GTF2F2: variants seen among roughly 807,000 people sequenced by gnomAD.
GTF2F2 encodes the protein ATP-dependent helicase GTF2F2.
A neutral mutation model predicts 42.2 loss-of-function variants in GTF2F2; 23 were observed. That is an observed-to-expected ratio of 0.55 (90% CI 0.39 to 0.77). The LOEUF is 0.77. GTF2F2 is among the 30% of genes least tolerant of loss of function. The pLI, the probability that GTF2F2 is intolerant of heterozygous loss-of-function variation, is 0.00. For missense variants in GTF2F2, 261 were observed against 287.2 expected, an observed-to-expected ratio of 0.91 and a Z score of 0.66; for synonymous variants, 105 against 100.8, an observed-to-expected ratio of 1.04 and a Z score of -0.25.
intron 4 of GTF2F2, among the ~76,000 whole-genome samples, chr13:45,176,812 A>G (rs907449553): frequency 7.0e-6 from 1 of 143,728 alleles, no homozygotes; most frequent in African/African-American, 2.6e-5. Context: ...TTTGGGGGGG[A>G]CGGTCTCGCT....
rs993985302 is a variant in GTF2F2, at chr13:45,284,462, C to T, written c.*901C>T. ...TCTTTAATTAATTTTTAAATGAAAA[C>T]AATACATGTATATGTTAGTTTTTTC... On this transcript the variant is annotated 3_prime_UTR_variant, in exon 8 of 8. Transcript: ENST00000340473. 1 of 151,952 alleles carries T rather than the reference C, an allele frequency of 6.6e-6. No homozygotes were observed. Among genetic ancestry groups the T allele is most frequent in the Non-Finnish European group, 1.5e-5 (1 of 68,010 alleles). The allele number at this position is 151,952 out of a possible 1,614,324, so 9.4% of individuals were successfully genotyped here.
chr13:45,283,390 T>C, intron 7 of GTF2F2, 52 bp from the exon 8 acceptor site: 1 of 1,537,286 alleles, frequency 6.5e-7, no homozygotes, highest in Middle Eastern at 1.8e-4. Context: ...ATTTTAAGTT[T>C]TGTCCCCTGC....
intron 5 of GTF2F2, among the ~76,000 whole-genome samples, chr13:45,246,710 C>T (rs1270776103): frequency 2.6e-5 from 4 of 152,128 alleles, no homozygotes; most frequent in South Asian, 2.1e-4. Context: ...TACTTGCCTT[C>T]CTAGATTTTA....
At chr13:45,204,660 G>T (rs1022952965) in intron 4 of GTF2F2, among the ~76,000 whole-genome samples, 2 of 152,164 alleles carry the variant, frequency 1.3e-5, no homozygotes, top group African/African-American at 2.4e-5. Flanking sequence ...TAAAAAGAGA[G>T]CAGGCAAATC....
intron 4 of GTF2F2, among the ~76,000 whole-genome samples, chr13:45,205,300 A>C (rs1218920324): frequency 6.6e-6 from 1 of 152,126 alleles, no homozygotes; most frequent in Non-Finnish European, 1.5e-5. Context: ...GCACAGGAAA[A>C]AGCTGCCAGT....
At chr13:45,181,258 C>T (rs1479251256) in intron 4 of GTF2F2, among the ~76,000 whole-genome samples, 1 of 151,220 alleles carries the variant, frequency 6.6e-6, no homozygotes, top group African/African-American at 2.4e-5. Flanking sequence ...CCTTCATATA[C>T]CTCCCTCTCT....
chr13:45,178,425 CTTTT>C (rs60059874), intron 4 of GTF2F2, among the ~76,000 whole-genome samples: 1 of 122,070 alleles, frequency 8.2e-6, no homozygotes. Flanking sequence ...CTGAGTTTGT[CTTTT>C]TTTTTTTTTT....
chr13:45,151,742 CA>C lies in GTF2F2; in HGVS notation c.216del (p.Ala73LeufsTer21). Reference protein sequence around the residue: ...LANIHDIGGKPASVSAPREHP... With the variant: ...LANIHDIGGKXASVSAPREHP... ...AATATTCATGATATTGGTGGAAAAC[CA>C]GCTTCAGTCAGTGCTCCTAGAGAAC... On this transcript the variant is annotated frameshift_variant, in exon 4 of 8. Transcript: ENST00000340473. LOFTEE classifies it high-confidence loss of function. 1.9e-6 allele frequency: 3 copies of C among 1,599,738 alleles called. No homozygotes were observed. The highest frequency in any genetic ancestry group is 2.6e-6 in the Non-Finnish European group (3 of 1,169,420).
chr13:45,254,986 G>C (rs1008130507), intron 6 of GTF2F2, among the ~76,000 whole-genome samples: 4 of 151,910 alleles, frequency 2.6e-5, no homozygotes, highest in Admixed American at 1.3e-4. Context: ...GGCCAACATG[G>C]TGAAACCCCA....
chr13:45,212,493 T>TTCTTTCTTTC lies in GTF2F2; in HGVS notation c.386+4990_386+4999dup, dbSNP rs1566137183. ...TTTCTTTCTTTCTTTCTTTCTTTCTTTCTTTCTTTCTTTCTTTTCTTTCTT... is the reference window on the plus strand; with the variant it reads ...TTTCTTTCTTTCTTTCTTTCTTTCTTTCTTTCTTTCTCTTTCTTTCTTTCTTTTCTTTCTT... On this transcript the variant is annotated intron_variant, in intron 5 of 7. Transcript: ENST00000340473. 2.9e-3 allele frequency among the ~76,000 whole-genome samples: 343 copies of TTCTTTCTTTC among 117,502 alleles called. 11 individuals are homozygous for TTCTTTCTTTC. Among genetic ancestry groups the TTCTTTCTTTC allele is most frequent in the African/African-American group, 9.8e-3 (321 of 32,890 alleles). 77.1% of individuals were successfully genotyped at this position (117,502 alleles called of 152,430 possible).
intron 7 of GTF2F2, among the ~76,000 whole-genome samples, chr13:45,282,496 T>C (rs1475104113): frequency 6.6e-6 from 1 of 152,182 alleles, no homozygotes; most frequent in East Asian, 1.9e-4. Context: ...TGTCTTCTTA[T>C]CACTTTATTT....
intron 4 of GTF2F2, among the ~76,000 whole-genome samples, chr13:45,204,541 T>G (rs1391180513): frequency 6.6e-6 from 1 of 152,240 alleles, no homozygotes; most frequent in African/African-American, 2.4e-5. Context: ...TTTAAATACT[T>G]TTAAAATAAA....
At chr13:45,183,442 A>G (rs1872259869) in intron 4 of GTF2F2, among the ~76,000 whole-genome samples, 1 of 151,998 alleles carries the variant, frequency 6.6e-6, no homozygotes, top group South Asian at 2.1e-4. Context: ...TGTCATATCT[A>G]CCTCTCAGGC....
At chr13:45,183,696 C>T (rs892765254) in intron 4 of GTF2F2, among the ~76,000 whole-genome samples, 2 of 152,092 alleles carry the variant, frequency 1.3e-5, no homozygotes, top group African/African-American at 4.8e-5. Flanking sequence ...TCTGCCCCAT[C>T]ACCTCATGAG....
At chr13:45,151,626 TTATATA>T (rs994328823) in intron 3 of GTF2F2, 55 bp from the exon 4 acceptor site, 2 of 1,057,816 alleles carry the variant, frequency 1.9e-6, no homozygotes, top group South Asian at 1.6e-5. Flanking sequence ...TAACAAAAAT[TTATATA>T]TATATAGTTT....
At chr13:45,214,968 T>G (rs1873828698) in intron 5 of GTF2F2, among the ~76,000 whole-genome samples, 2 of 150,334 alleles carry the variant, frequency 1.3e-5, no homozygotes, top group African/African-American at 2.5e-5. Flanking sequence ...TTCCAGTGTT[T>G]GTGGATTTTT....
chr13:45,246,812 C>T (rs558165329), intron 5 of GTF2F2, among the ~76,000 whole-genome samples: 41 of 151,932 alleles, frequency 2.7e-4, no homozygotes, highest in Middle Eastern at 3.4e-3. Context: ...CCAATGCGGG[C>T]GGATCACGAG....
At chr13:45,165,806 CTTTTT>C (rs5803286) in intron 4 of GTF2F2, among the ~76,000 whole-genome samples, 4,303 of 89,014 alleles carry the variant, frequency 0.048, 144 homozygotes, top group African/African-American at 0.19. Flanking sequence ...TCAGTACATT[CTTTTT>C]TTTTTTTTTT....
intron 7 of GTF2F2, among the ~76,000 whole-genome samples, chr13:45,270,675 G>A (rs939185528): frequency 3.9e-5 from 6 of 152,040 alleles, no homozygotes; most frequent in South Asian, 2.1e-4. Flanking sequence ...ACCACAGCAG[G>A]TATTTTTATA....
Sources: gnomAD v4.1 joint callset for allele counts (sites outside exome capture counted in the v4.1 genomes callset) on GRCh38, gnomAD v4.1.1 for gene constraint, MANE v1.5 for transcripts, NCBI Gene and HGNC (gene_info 2026-07-23, HGNC 2026-07-21) for gene names.